The following EIF2S1 variants were observed in gnomAD, a reference collection of about 807,000 sequenced individuals.
EIF2S1 encodes the protein eukaryotic translation initiation factor 2 subunit 1.
In EIF2S1, 5 loss-of-function variants were observed where a neutral mutation model predicts 33.5. That is an observed-to-expected ratio of 0.15 (90% CI 0.08 to 0.31). EIF2S1 has a LOEUF of 0.31. Ranked by LOEUF, EIF2S1 falls within the 10% of genes least tolerant of loss-of-function variation. The pLI, the probability that EIF2S1 is intolerant of heterozygous loss-of-function variation, is 1.00. For synonymous variants in EIF2S1, 99 were observed against 127.5 expected, an observed-to-expected ratio of 0.78 and a Z score of 1.51; for missense variants, 191 against 384.6, an observed-to-expected ratio of 0.50 and a Z score of 4.21.
intron 4 of EIF2S1, among the ~76,000 whole-genome samples, chr14:67,379,070 A>G (rs910702399): frequency 6.6e-6 from 1 of 152,214 alleles, no homozygotes; most frequent in Non-Finnish European, 1.5e-5. Context: ...TAATCTCTAT[A>G]TAGTATTTCA....
chr14:67,369,786 A>C (rs2085806975), intron 2 of EIF2S1, among the ~76,000 whole-genome samples: 1 of 152,224 alleles, frequency 6.6e-6, no homozygotes, highest in Admixed American at 6.5e-5. Context: ...GATCTAAAAC[A>C]GTTATCTAGG....
Position 67,376,536 on chromosome 14 carries a change from A to G in EIF2S1, c.419A>G (p.Asp140Gly), listed in dbSNP as rs764898657. ...CAGAGGACTGCCTGGGTCTTTGATG[A>G]CAAGTACAAGAGACCTGGATATGGT... is the stretch of plus-strand genomic sequence containing the variant. ...LFQRTAWVFD[D>G]KYKRPGYGAY... Residue 140 changes from aspartate to glycine, a missense_variant, in exon 4 of 8, where the codon GAC becomes GGC. Coordinates refer to ENST00000256383, the MANE Select transcript of EIF2S1 (RefSeq NM_004094.5). The G allele has an allele frequency of 1.4e-5, 22 of 1,614,150 alleles. No homozygotes were observed. The highest frequency in any genetic ancestry group is 1.9e-5 in the Non-Finnish European group (22 of 1,180,008).
intron 3 of EIF2S1, among the ~76,000 whole-genome samples, chr14:67,375,276 G>A (rs2085850953): frequency 7.3e-6 from 1 of 137,716 alleles, no homozygotes; most frequent in South Asian, 2.2e-4. Flanking sequence ...GTGTGTGTGT[G>A]TGTGTGTCAC....
chr14:67,374,414 A>G lies in EIF2S1; in HGVS notation c.242-54A>G, dbSNP rs187241831. Reference sequence around the variant, plus strand: ...TAATTTGGTCTTCAAAGCTGGTTACAATAGTACAGTGGCATCTGGACAGAG... The same window carrying G: ...TAATTTGGTCTTCAAAGCTGGTTACGATAGTACAGTGGCATCTGGACAGAG... On this transcript the variant is annotated intron_variant, in intron 2 of 7. Coordinates refer to ENST00000256383, the MANE Select transcript of EIF2S1 (RefSeq NM_004094.5). 4.4e-6 allele frequency: 5 copies of G among 1,145,808 alleles called. No individual in the cohort carries two copies. The Admixed American group carries it at 1.0e-4, about 24-fold the overall frequency. The allele number at this position is 1,145,808 out of a possible 1,614,324, so 71.0% of individuals were successfully genotyped here.
At chr14:67,367,006 T>C (rs2141130504) in intron 2 of EIF2S1, among the ~76,000 whole-genome samples, 1 of 151,986 alleles carries the variant, frequency 6.6e-6, no homozygotes, top group East Asian at 1.9e-4. Context: ...GTGGTGATAG[T>C]GGTGAGGGTT....
intron 7 of EIF2S1, 91 bp from the exon 8 acceptor site, chr14:67,383,222 TAA>T: frequency 7.2e-7 from 1 of 1,390,204 alleles, no homozygotes; most frequent in Admixed American, 2.3e-5. Flanking sequence ...AGAAAAGTGT[TAA>T]AGAGAGAAAA....
At chr14:67,373,451 A>G (rs2085837565) in intron 2 of EIF2S1, among the ~76,000 whole-genome samples, 1 of 152,260 alleles carries the variant, frequency 6.6e-6, no homozygotes, top group African/African-American at 2.4e-5. Flanking sequence ...AAAATTTGTC[A>G]CCCATTCATA....
At chr14:67,367,323 C>T (rs2085786350) in intron 2 of EIF2S1, among the ~76,000 whole-genome samples, 2 of 152,310 alleles carry the variant, frequency 1.3e-5, no homozygotes, top group Middle Eastern at 3.4e-3. Flanking sequence ...CTCCGACTCC[C>T]TGGTTCAAGC....
chr14:67,377,960 A>G (rs1170118266), intron 4 of EIF2S1, among the ~76,000 whole-genome samples: 4 of 151,862 alleles, frequency 2.6e-5, no homozygotes, highest in African/African-American at 9.7e-5. Context: ...AAAAAAAATT[A>G]AAAGTAGCCA....
chr14:67,386,470 A>T lies in EIF2S1; in HGVS notation c.*3030A>T, dbSNP rs2085924580. Reference sequence around the variant, plus strand: ...AGGAATGCTGGCAATAGCTTGTGCCAGATTACTGTATAAACTTGAAAGTAA... The same window carrying T: ...AGGAATGCTGGCAATAGCTTGTGCCTGATTACTGTATAAACTTGAAAGTAA... On this transcript the variant is annotated 3_prime_UTR_variant, in exon 8 of 8. Transcript: ENST00000256383. 1 of 152,222 alleles carries T rather than the reference A, an allele frequency of 6.6e-6. No individual in the cohort carries two copies. Among genetic ancestry groups the T allele is most frequent in the Non-Finnish European group, 1.5e-5 (1 of 68,038 alleles). 9.4% of individuals were successfully genotyped at this position (152,222 alleles called of 1,614,324 possible). A position where few individuals can be genotyped will look rare whatever the true frequency, so the allele number is the denominator to read the frequency against.
chr14:67,364,813 G>T lies in EIF2S1; in HGVS notation c.46G>T (p.Val16Leu), dbSNP rs1432829789. The T allele has an allele frequency of 6.2e-7, 1 of 1,613,856 alleles. No homozygotes were observed. The highest frequency in any genetic ancestry group is 8.5e-7 in the Non-Finnish European group (1 of 1,179,884). Residue 16 changes from valine (V) to leucine (L), a missense_variant, in exon 2 of 8, where the codon GTG (valine) becomes TTG (leucine). Physicochemically the swap from Val to Leu is conservative, Grantham distance 32. Coordinates refer to ENST00000256383, the MANE Select transcript of EIF2S1 (RefSeq NM_004094.5). The stretch of plus-strand genomic sequence containing the variant: ...ATTTTATCAACACAAATTTCCTGAG[G>T]TGGAAGATGTAGTGATGGTGAATGT... ...CRFYQHKFPE[V>L]EDVVMVNVRS... is the part of the protein sequence containing the mutation.
intron 6 of EIF2S1, 93 bp from the exon 7 acceptor site, chr14:67,382,351 TTTG>T: frequency 1.7e-6 from 2 of 1,182,492 alleles, no homozygotes; most frequent in Non-Finnish European, 2.3e-6. Flanking sequence ...TTTGGGGTGA[TTTG>T]TTAATACAGC....
chr14:67,383,149 T>G (rs2085898959), intron 7 of EIF2S1, among the ~76,000 whole-genome samples, 166 bp from the exon 8 acceptor site: 1 of 152,214 alleles, frequency 6.6e-6, no homozygotes, highest in South Asian at 2.1e-4. Flanking sequence ...TCACCTCTTA[T>G]TTATGTAATG....
intron 2 of EIF2S1, among the ~76,000 whole-genome samples, chr14:67,371,174 G>A (rs12588478): frequency 0.16 from 23,566 of 151,960 alleles, 3,454 homozygotes; most frequent in East Asian, 0.42. Context: ...CAGCAATTTC[G>A]GATGCTGAGA....
At position 67,372,374 on chromosome 14, in the gene EIF2S1, A is replaced by G. The variant is rs117941362; in HGVS notation, c.242-2094A>G. 4.0e-3 allele frequency among the ~76,000 whole-genome samples: 615 copies of G among 152,342 alleles called. 17 individuals carry two copies. The East Asian group carries it at 0.059, about 15-fold the overall frequency. ...ACAGGAATCTTTCTGACCTTGGATT[A>G]GGCAAAGATTTCTTAGATAGCACAC... On this transcript the variant is annotated intron_variant, in intron 2 of 7. Transcript: ENST00000256383.
intron 2 of EIF2S1, among the ~76,000 whole-genome samples, chr14:67,371,876 CAATT>C (rs775923809): frequency 1.1e-4 from 16 of 152,032 alleles, no homozygotes; most frequent in Admixed American, 5.9e-4. Flanking sequence ...ATAGATAAAA[CAATT>C]AATATGTTTT....
In EIF2S1 at chr14:67,364,779, A is replaced by G. The variant is rs769198766; in HGVS notation, c.12A>G (p.Leu4=). ...GTTTAAATTGCAGAATGCCGGGTCT[A>G]AGTTGTAGATTTTATCAACACAAAT... MPG[L]SCRFYQHKFP... The change falls in exon 2 of 8, where the codon CTA becomes CTG. Residue 4 remains leucine (L), a synonymous_variant. Coordinates refer to ENST00000256383, the MANE Select transcript of EIF2S1 (RefSeq NM_004094.5). 6.8e-6 allele frequency: 11 copies of G among 1,613,106 alleles called. No individual in the cohort carries two copies. In the African/African-American group the frequency reaches 1.3e-4, roughly 20 times the overall value.
chr14:67,379,856 G>A (rs975847545), intron 4 of EIF2S1, among the ~76,000 whole-genome samples: 1 of 151,358 alleles, frequency 6.6e-6, no homozygotes, highest in Non-Finnish European at 1.5e-5. Flanking sequence ...AGGTTTCACC[G>A]TTTTAGCCGG....
At chr14:67,382,649 G>A (rs569465462) in intron 7 of EIF2S1, 59 bp downstream of exon 7, 4 of 1,584,114 alleles carry the variant, frequency 2.5e-6, no homozygotes, top group Admixed American at 1.7e-5. Context: ...AGGAGTTCTT[G>A]TAGGTAAATA....
Sources: gnomAD v4.1 joint callset for allele counts (sites outside exome capture counted in the v4.1 genomes callset) on GRCh38, gnomAD v4.1.1 for gene constraint, MANE v1.5 for transcripts, NCBI Gene and HGNC (gene_info 2026-07-23, HGNC 2026-07-21) for gene names.